GRIK3: variants seen among roughly 807,000 people sequenced by gnomAD.
GRIK3 encodes glutamate ionotropic receptor kainate type subunit 3.
A neutral mutation model predicts 102.5 loss-of-function variants in GRIK3; 29 were observed. The observed-to-expected ratio is 0.28, with a 90% CI of 0.21 to 0.39. The LOEUF (loss-of-function observed/expected upper bound fraction) is 0.39. Among genes scored for constraint, GRIK3 ranks in the 10% least tolerant of loss-of-function variants. GRIK3 has a pLI of 1.00. For synonymous variants in GRIK3, 511 were observed against 504.9 expected (o/e 1.01, Z -0.16); for missense variants, 908 against 1,252.4 (o/e 0.73, Z 4.15).
rs115659444 is a variant in GRIK3, at chr1:36,913,771, C to T, written c.116-22675G>A. Among the ~76,000 whole-genome samples, 1,193 of 152,228 alleles carry T rather than the reference C, an allele frequency of 7.8e-3. 8 individuals are homozygous for T. Among genetic ancestry groups the T allele is most frequent in the Non-Finnish European group, 0.011 (752 of 68,020 alleles). On this transcript the variant is annotated intron_variant, in intron 1 of 15. Coordinates refer to ENST00000373091, the MANE Select transcript of GRIK3 (RefSeq NM_000831.4). ...CTCCCAGGCAAACCTCTCCCAGAGGCATGACTCTAAGATGCTGAAAATATC... is the reference window on the plus strand; with the variant it reads ...CTCCCAGGCAAACCTCTCCCAGAGGTATGACTCTAAGATGCTGAAAATATC...
intron 11 of GRIK3, among the ~76,000 whole-genome samples, chr1:36,821,416 T>G (rs579936): frequency 0.2 from 29,736 of 152,062 alleles, 3,510 homozygotes; most frequent in African/African-American, 0.33. Flanking sequence ...CTACCACATC[T>G]AGGGAGAGGG....
intron 10 of GRIK3, among the ~76,000 whole-genome samples, chr1:36,834,874 G>T (rs891223446): frequency 6.6e-6 from 1 of 152,186 alleles, no homozygotes; most frequent in Non-Finnish European, 1.5e-5. Context: ...GGAGACTTCA[G>T]CAGCCTCTGC....
rs1318053617 is a variant in GRIK3 at position 36,799,106 on chromosome 1, C to T, written c.*2745G>A. The T allele has an allele frequency of 6.6e-6, 1 of 152,198 alleles. No individual in the cohort carries two copies. The highest frequency in any genetic ancestry group is 1.5e-5 in the Non-Finnish European group (1 of 68,032). The allele number at this position is 152,198 out of a possible 1,614,324, so 9.4% of individuals were successfully genotyped here. Reference sequence around the variant, plus strand: ...TTGCTGACAGCAAATTGGCAAATACCTTCATTAGAATCCTGTTACCTGGGA... The same window carrying T: ...TTGCTGACAGCAAATTGGCAAATACTTTCATTAGAATCCTGTTACCTGGGA... On this transcript the variant is annotated 3_prime_UTR_variant, in exon 16 of 16. Transcript: ENST00000373091.
chr1:36,851,391 C>T (rs756744342), intron 8 of GRIK3, among the ~76,000 whole-genome samples: 22 of 152,176 alleles, frequency 1.4e-4, no homozygotes, highest in Admixed American at 1.3e-3. Flanking sequence ...CCTCTCAGGG[C>T]GGGATCCCTG....
intron 2 of GRIK3, among the ~76,000 whole-genome samples, chr1:36,889,616 C>T (rs1226074007): frequency 2.0e-5 from 3 of 152,044 alleles, no homozygotes; most frequent in African/African-American, 4.8e-5. Context: ...AGGTTTCTGT[C>T]TTGGGCCTGC....
intron 1 of GRIK3, among the ~76,000 whole-genome samples, chr1:36,923,939 G>A (rs1219259455): frequency 6.6e-6 from 1 of 151,952 alleles, no homozygotes; most frequent in African/African-American, 2.4e-5. Flanking sequence ...CTGCATTCAA[G>A]GGCCCACACA....
At chr1:36,921,820 C>T (rs1557427103) in intron 1 of GRIK3, among the ~76,000 whole-genome samples, 1 of 151,984 alleles carries the variant, frequency 6.6e-6, no homozygotes, top group Non-Finnish European at 1.5e-5. Context: ...CCACTGAGGA[C>T]CTGGCCCTGC....
chr1:37,003,749 G>A (rs1196603642), intron 1 of GRIK3, among the ~76,000 whole-genome samples: 3 of 152,178 alleles, frequency 2.0e-5, no homozygotes, highest in African/African-American at 4.8e-5. Flanking sequence ...GTACTAGAGA[G>A]CCAGGCTGTC....
intron 1 of GRIK3, among the ~76,000 whole-genome samples, chr1:37,021,127 TGAGAGA>T (rs5773568): frequency 4.9e-4 from 71 of 145,294 alleles, no homozygotes; most frequent in African/African-American, 1.3e-3. Context: ...TGTGTGTCTG[TGAGAGA>T]GAGAGAGAGA....
intron 1 of GRIK3, among the ~76,000 whole-genome samples, chr1:36,915,196 CCTTG>C (rs1557723730): frequency 6.6e-6 from 1 of 152,184 alleles, no homozygotes; most frequent in East Asian, 1.9e-4. Context: ...CACTGTGACA[CCTTG>C]CTTGCTTTCT....
At position 37,034,352 on chromosome 1, in the gene GRIK3, C is replaced by T. The variant is rs985107270; in HGVS notation, c.-244G>A. Among the ~76,000 whole-genome samples the T allele has an allele frequency of 1.9e-4, 28 of 150,416 alleles. No homozygotes were observed. The highest frequency in any genetic ancestry group is 3.9e-4 in the Non-Finnish European group (26 of 67,402). On this transcript the variant is annotated 5_prime_UTR_variant, in exon 1 of 16. Transcript: ENST00000373091. Reference sequence around the variant, plus strand: ...TGCCCGCGAGCGAGGCTCCTGGGCTCCGCCCGGACTCCGCTCGGACTCGGC... The same window carrying T: ...TGCCCGCGAGCGAGGCTCCTGGGCTTCGCCCGGACTCCGCTCGGACTCGGC...
At chr1:36,947,786 G>A (rs771500883) in intron 1 of GRIK3, among the ~76,000 whole-genome samples, 12 of 152,038 alleles carry the variant, frequency 7.9e-5, no homozygotes, top group Non-Finnish European at 1.6e-4. Flanking sequence ...CAGAGCTGTA[G>A]CATCACAGCT....
chr1:37,011,779 T>C (rs532719), intron 1 of GRIK3, among the ~76,000 whole-genome samples: 64,455 of 152,074 alleles, frequency 0.42, 15,443 homozygotes, highest in African/African-American at 0.64. Context: ...GGGAAGACCA[T>C]GGGCCTGTTA....
At chr1:36,999,911 C>T (rs1190923123) in intron 1 of GRIK3, among the ~76,000 whole-genome samples, 1 of 152,096 alleles carries the variant, frequency 6.6e-6, no homozygotes, top group East Asian at 1.9e-4. Flanking sequence ...GCAGGAGAAT[C>T]GCTTGAACCT....
chr1:36,941,255 T>G (rs1049513197), intron 1 of GRIK3, among the ~76,000 whole-genome samples: 2 of 152,218 alleles, frequency 1.3e-5, no homozygotes, highest in Non-Finnish European at 2.9e-5. Flanking sequence ...CATCTACCTG[T>G]GCATGCCCAC....
At chr1:36,903,325 T>C (rs558558) in intron 1 of GRIK3, among the ~76,000 whole-genome samples, 2 of 152,324 alleles carry the variant, frequency 1.3e-5, no homozygotes, top group South Asian at 4.1e-4. Context: ...AACACCAAAG[T>C]CTGGCAAGGA....
intron 1 of GRIK3, among the ~76,000 whole-genome samples, chr1:36,899,375 G>C (rs1171005249): frequency 6.6e-6 from 1 of 152,054 alleles, no homozygotes; most frequent in Non-Finnish European, 1.5e-5. Flanking sequence ...GTTACATCGT[G>C]AATAAACATT....
chr1:36,837,879 G>A (rs1039514162), intron 10 of GRIK3, among the ~76,000 whole-genome samples: 1 of 152,194 alleles, frequency 6.6e-6, no homozygotes, highest in African/African-American at 2.4e-5. Flanking sequence ...AAGTAAGAAG[G>A]TGGCACCTTG....
intron 10 of GRIK3, among the ~76,000 whole-genome samples, chr1:36,830,308 C>T (rs2124202693): frequency 6.6e-6 from 1 of 152,198 alleles, no homozygotes; most frequent in South Asian, 2.1e-4. Context: ...TCTCAAAGCC[C>T]AACATTTTAC....
Sources: gnomAD v4.1 joint callset for allele counts (sites outside exome capture counted in the v4.1 genomes callset) on GRCh38, gnomAD v4.1.1 for gene constraint, MANE v1.5 for transcripts, NCBI Gene and HGNC (gene_info 2026-07-23, HGNC 2026-07-21) for gene names.